STXBP3: variants seen among roughly 807,000 people sequenced by gnomAD.
The protein encoded by STXBP3 is syntaxin binding protein 3.
STXBP3 carries 41 observed loss-of-function variants against 85.7 expected under a neutral mutation model. That is an observed-to-expected ratio of 0.48 (90% confidence interval 0.37 to 0.62). The LOEUF (loss-of-function observed/expected upper bound fraction) is 0.62, where lower values mean the gene tolerates loss of function less well. STXBP3 is among the 20% of genes least tolerant of loss of function. The pLI, the probability that STXBP3 is intolerant of heterozygous loss-of-function variation, is 0.00. For synonymous variants in STXBP3, 229 were observed against 231.7 expected, an observed-to-expected ratio of 0.99 and a Z score of 0.10; for missense variants, 563 against 703.1, an observed-to-expected ratio of 0.80 and a Z score of 2.25.
At chr1:108,792,524 T>C (rs1662997703) in intron 11 of STXBP3, among the ~76,000 whole-genome samples, 1 of 152,240 alleles carries the variant, frequency 6.6e-6, no homozygotes, top group Non-Finnish European at 1.5e-5. Context: ...ACATTTCCAA[T>C]CTTTTCCTCT....
At chr1:108,779,490 C>G in intron 9 of STXBP3, 80 bp downstream of exon 9, 30 of 1,390,124 alleles carry the variant, frequency 2.2e-5, no homozygotes, top group Non-Finnish European at 2.9e-5. Flanking sequence ...ATATAGGCAC[C>G]AGAAATCTGA....
chr1:108,755,565 G>T (rs979674970), intron 3 of STXBP3, among the ~76,000 whole-genome samples: 1 of 151,956 alleles, frequency 6.6e-6, no homozygotes, highest in Non-Finnish European at 1.5e-5. Flanking sequence ...AGTGAATGGA[G>T]AAGTGGCACT....
At chr1:108,763,698 C>T (rs1286674912) in intron 6 of STXBP3, among the ~76,000 whole-genome samples, 1 of 152,006 alleles carries the variant, frequency 6.6e-6, no homozygotes, top group African/African-American at 2.4e-5. Flanking sequence ...GCCTCAGCCT[C>T]CCGAGTAGCT....
intron 17 of STXBP3, among the ~76,000 whole-genome samples, chr1:108,803,084 TG>T (rs1480294543): frequency 6.6e-6 from 1 of 152,246 alleles, no homozygotes; most frequent in African/African-American, 2.4e-5. Flanking sequence ...GTGCTTCCCT[TG>T]GACTGAGGAC....
At chr1:108,794,762 T>G (rs1663055135) in intron 12 of STXBP3, 65 bp from the exon 13 acceptor site, 1 of 1,440,438 alleles carries the variant, frequency 6.9e-7, no homozygotes, top group Non-Finnish European at 9.6e-7. Flanking sequence ...CTCAAAAGTT[T>G]AATATTACCA....
chr1:108,747,126 T>TTCTCCGCTCCCGTCCGCGCTCCCCACTCC (rs1661806018), intron 1 of STXBP3, among the ~76,000 whole-genome samples: 1 of 92,654 alleles, frequency 1.1e-5, no homozygotes, highest in African/African-American at 3.9e-5. Flanking sequence ...CTCCCCACTC[T>TTCTCCGCTCCCGTCCGCGCTCCCCACTCC]TCTCCGCTCC....
At chr1:108,793,702 T>G in intron 12 of STXBP3, 55 bp downstream of exon 12, 1 of 1,470,762 alleles carries the variant, frequency 6.8e-7, no homozygotes, top group Non-Finnish European at 9.4e-7. Context: ...ATTCAGTTTA[T>G]ATTCAGTTCT....
At chr1:108,798,520 A>G (rs1314513484) in intron 16 of STXBP3, among the ~76,000 whole-genome samples, 2 of 151,168 alleles carry the variant, frequency 1.3e-5, no homozygotes, top group African/African-American at 2.4e-5. Flanking sequence ...GGTTCCAGCA[A>G]TTCTCTTGCC....
intron 13 of STXBP3, among the ~76,000 whole-genome samples, chr1:108,795,291 CAT>C (rs1340180558): frequency 6.6e-6 from 1 of 152,044 alleles, no homozygotes; most frequent in Non-Finnish European, 1.5e-5. Context: ...CATTGCCCCT[CAT>C]AGAATACAAG....
At chr1:108,794,950 A>T (rs1149158) in intron 13 of STXBP3, 43 bp downstream of exon 13, 2 of 1,520,742 alleles carry the variant, frequency 1.3e-6, no homozygotes, top group African/African-American at 2.8e-5. Context: ...AACAAATTTC[A>T]AGGATAAACT....
chr1:108,782,294 C>T, intron 9 of STXBP3, 128 bp from the exon 10 acceptor site: 1 of 672,902 alleles, frequency 1.5e-6, no homozygotes, highest in Non-Finnish European at 2.5e-6. Context: ...TTCATTACCC[C>T]CCTAAAATAG....
intron 6 of STXBP3, among the ~76,000 whole-genome samples, chr1:108,769,874 C>T (rs61797326): frequency 0.38 from 57,626 of 152,018 alleles, 11,333 homozygotes; most frequent in Middle Eastern, 0.48. Flanking sequence ...GCTCTACATC[C>T]TCTACCTTCT....
chr1:108,789,477 A>G (rs1662931224), intron 11 of STXBP3, among the ~76,000 whole-genome samples: 1 of 152,190 alleles, frequency 6.6e-6, no homozygotes, highest in Non-Finnish European at 1.5e-5. Context: ...GTTTTAGAAC[A>G]TTGATTTCCA....
chr1:108,754,596 A>G (rs1443273154), intron 3 of STXBP3, among the ~76,000 whole-genome samples: 2 of 152,162 alleles, frequency 1.3e-5, no homozygotes, highest in East Asian at 1.9e-4. Flanking sequence ...GTTTTATTGC[A>G]TTTTGTAGAC....
intron 6 of STXBP3, among the ~76,000 whole-genome samples, chr1:108,766,604 A>G (rs1237199831): frequency 1.3e-5 from 2 of 152,208 alleles, no homozygotes; most frequent in African/African-American, 4.8e-5. Flanking sequence ...TTTCTGGGCC[A>G]CACTGCTGAC....
chr1:108,786,631 T>C (rs748370252), intron 11 of STXBP3, among the ~76,000 whole-genome samples: 2 of 152,236 alleles, frequency 1.3e-5, no homozygotes, highest in Non-Finnish European at 2.9e-5. Flanking sequence ...CATGTCCTTT[T>C]CCATGGTCAA....
At chr1:108,790,985 C>T (rs1186510817) in intron 11 of STXBP3, among the ~76,000 whole-genome samples, 1 of 152,138 alleles carries the variant, frequency 6.6e-6, no homozygotes, top group African/African-American at 2.4e-5. Flanking sequence ...TTATTACCCA[C>T]ATATTTATAC....
At chr1:108,770,871 G>T (rs1432697233) in intron 6 of STXBP3, among the ~76,000 whole-genome samples, 2 of 152,074 alleles carry the variant, frequency 1.3e-5, no homozygotes, top group African/African-American at 4.8e-5. Context: ...AGGTTTTGCT[G>T]TACATACGTA....
intron 6 of STXBP3, among the ~76,000 whole-genome samples, chr1:108,762,098 G>C (rs1459277456): frequency 1.3e-5 from 2 of 152,250 alleles, no homozygotes; most frequent in African/African-American, 4.8e-5. Flanking sequence ...GCTTTGAGCT[G>C]TGAGCAAAGG....
Sources: gnomAD v4.1 joint callset for allele counts (sites outside exome capture counted in the v4.1 genomes callset) on GRCh38, gnomAD v4.1.1 for gene constraint, MANE v1.5 for transcripts, NCBI Gene and HGNC (gene_info 2026-07-23, HGNC 2026-07-21) for gene names.